Variants in PTPRN2 observed in about 807,000 individuals in gnomAD.
The protein encoded by PTPRN2 is receptor-type tyrosine-protein phosphatase N2.
PTPRN2 carries 74 observed loss-of-function variants against 118.8 expected under a neutral mutation model. The observed-to-expected ratio is 0.62, with a 90% CI of 0.52 to 0.76. The LOEUF (loss-of-function observed/expected upper bound fraction) is 0.76. Among genes scored for constraint, PTPRN2 ranks in the 30% least tolerant of loss-of-function variants. The pLI is 0.00. For missense variants in PTPRN2, 1,481 were observed against 1,394.4 expected (o/e 1.06, Z -0.99); for synonymous variants, 641 against 608.0 (o/e 1.05, Z -0.80).
At chr7:157,691,395 C>T (rs1273062404) in intron 12 of PTPRN2, among the ~76,000 whole-genome samples, 2 of 152,166 alleles carry the variant, frequency 1.3e-5, no homozygotes, top group Non-Finnish European at 2.9e-5. Context: ...TATCGTTCTT[C>T]CCAGTTACCT....
At chr7:157,660,807 T>A (rs1795847526) in intron 13 of PTPRN2, among the ~76,000 whole-genome samples, 1 of 152,294 alleles carries the variant, frequency 6.6e-6, no homozygotes, top group Admixed American at 6.5e-5. Context: ...CAGGCTGGAG[T>A]GCAGTGGTGT....
At chr7:157,769,339 C>A (rs1802666106) in intron 12 of PTPRN2, among the ~76,000 whole-genome samples, 1 of 152,166 alleles carries the variant, frequency 6.6e-6, no homozygotes, top group African/African-American at 2.4e-5. Context: ...TAATGAGCTG[C>A]CGGCAACCAG....
At chr7:157,793,462 T>TG (rs1288059543) in intron 12 of PTPRN2, among the ~76,000 whole-genome samples, 3 of 145,632 alleles carry the variant, frequency 2.1e-5, no homozygotes, top group Non-Finnish European at 4.5e-5. Context: ...TCACAGAAAT[T>TG]GGGGGAGGAA....
chr7:157,566,538 C>T (rs1585040834), intron 21 of PTPRN2, among the ~76,000 whole-genome samples: 1 of 152,338 alleles, frequency 6.6e-6, no homozygotes, highest in East Asian at 1.9e-4. Context: ...GAATTTCACA[C>T]CGCACACACC....
intron 6 of PTPRN2, among the ~76,000 whole-genome samples, chr7:158,140,767 C>T (rs535333241): frequency 2.6e-5 from 4 of 152,350 alleles, no homozygotes; most frequent in Non-Finnish European, 5.9e-5. Context: ...AACGCGTCAT[C>T]GTGTCCACCT....
rs1277959837 is a variant in PTPRN2, at chr7:158,126,549, C to T, written c.1556+7128G>A. On this transcript the variant is annotated intron_variant, in intron 9 of 22. Coordinates refer to ENST00000389418, the MANE Select transcript of PTPRN2 (RefSeq NM_002847.5). ...ACACCAGCCCCCGGAGAGCGGGCGG[C>T]GGAACTTCCTCTCCGCCACACCAGC... Among the ~76,000 whole-genome samples the T allele has an allele frequency of 1.4e-4, 10 of 73,978 alleles. 1 individual carries two copies. Among genetic ancestry groups the T allele is most frequent in the African/African-American group, 3.6e-4 (5 of 13,874 alleles). 48.5% of individuals were successfully genotyped at this position (73,978 alleles called of 152,430 possible). A position where few individuals can be genotyped will look rare whatever the true frequency, so the allele number is the denominator to read the frequency against.
chr7:157,690,799 T>C lies in PTPRN2; in HGVS notation c.1789-7862A>G, dbSNP rs962619348. ...GCAGCGGCTGCGCGGCGGCACGGGC[T>C]CGGAGCCCGCAGGCGCCGGAGCTCT... On this transcript the variant is annotated intron_variant, in intron 12 of 22. Coordinates refer to ENST00000389418, the MANE Select transcript of PTPRN2 (RefSeq NM_002847.5). The surrounding 1 kb of genome is among the most constrained non-coding windows in gnomAD (Gnocchi z 7.1). Among the ~76,000 whole-genome samples, 7 of 149,684 alleles carry C rather than the reference T, an allele frequency of 4.7e-5. No individual in the cohort carries two copies. Among genetic ancestry groups the C allele is most frequent in the Non-Finnish European group, 1.5e-5 (1 of 67,264 alleles).
At chr7:157,568,558 T>C (rs1799599782) in intron 21 of PTPRN2, among the ~76,000 whole-genome samples, 1 of 152,200 alleles carries the variant, frequency 6.6e-6, no homozygotes, top group Admixed American at 6.5e-5. Context: ...GGGTGGCTTC[T>C]CCGTGGCTCT....
intron 17 of PTPRN2, among the ~76,000 whole-genome samples, chr7:157,593,085 C>T (rs927249219): frequency 7.4e-5 from 11 of 149,410 alleles, no homozygotes; most frequent in African/African-American, 1.5e-4. Context: ...GTGTGGATGC[C>T]GAGAGGCTTC....
intron 2 of PTPRN2, among the ~76,000 whole-genome samples, chr7:158,336,357 C>T (rs1236293292): frequency 4.3e-5 from 6 of 139,188 alleles, no homozygotes; most frequent in Non-Finnish European, 6.3e-5. Flanking sequence ...CACACCCACA[C>T]TCTCACCATA....
intron 3 of PTPRN2, among the ~76,000 whole-genome samples, chr7:158,271,305 C>T (rs1016105008): frequency 6.6e-6 from 1 of 152,222 alleles, no homozygotes; most frequent in Non-Finnish European, 1.5e-5. Context: ...GCACATATAT[C>T]CTCTCCACAC....
At chr7:158,044,588 T>C (rs1808705168) in intron 11 of PTPRN2, among the ~76,000 whole-genome samples, 1 of 152,008 alleles carries the variant, frequency 6.6e-6, no homozygotes, top group Non-Finnish European at 1.5e-5. Context: ...GCCTCGATCA[T>C]TTGTAAAGAC....
chr7:157,701,333 C>A (rs1005548771), intron 12 of PTPRN2, among the ~76,000 whole-genome samples: 3 of 152,290 alleles, frequency 2.0e-5, no homozygotes, highest in Non-Finnish European at 4.4e-5. Flanking sequence ...CTGAGCTCCG[C>A]GGGTCTCCGC....
intron 11 of PTPRN2, among the ~76,000 whole-genome samples, chr7:157,904,610 C>T (rs567252611): frequency 4.6e-5 from 7 of 152,364 alleles, no homozygotes; most frequent in Non-Finnish European, 1.0e-4. Flanking sequence ...GAGTGCTTTT[C>T]GGGGGCGTCT....
chr7:158,556,251 T>A (rs1458470940), intron 1 of PTPRN2, among the ~76,000 whole-genome samples: 1 of 152,088 alleles, frequency 6.6e-6, no homozygotes, highest in African/African-American at 2.4e-5. Flanking sequence ...AGATGATTGA[T>A]ACGTAAAGAC....
rs1797443677 is a variant in PTPRN2 at position 157,690,832 on chromosome 7, C to A, written c.1789-7895G>T. ...CGCAGGCGCCGGAGCTCTGCGCGGC[C>A]GCTCGGCCCAGCTCCGCGTGCTCCG... is the stretch of plus-strand genomic sequence containing the variant. On this transcript the variant is annotated intron_variant, in intron 12 of 22. Transcript: ENST00000389418. This position sits in a 1 kb window ranked among gnomAD's most constrained non-coding sequence, Gnocchi z 7.1. Among the ~76,000 whole-genome samples, 1 of 148,346 alleles carries A rather than the reference C, an allele frequency of 6.7e-6. No homozygotes were observed. The highest frequency in any genetic ancestry group is 1.5e-5 in the Non-Finnish European group (1 of 66,758).
At chr7:158,311,829 A>C (rs886401682) in intron 3 of PTPRN2, among the ~76,000 whole-genome samples, 2 of 151,760 alleles carry the variant, frequency 1.3e-5, no homozygotes, top group African/African-American at 2.4e-5. Flanking sequence ...ACCCACACAC[A>C]TGCACACACA....
chr7:157,570,960 T>G (rs10277703), intron 20 of PTPRN2, among the ~76,000 whole-genome samples: 5,825 of 152,206 alleles, frequency 0.038, 391 homozygotes, highest in African/African-American at 0.13. Context: ...ATATTCCATG[T>G]GAGGCCTCGC....
At chr7:157,891,565 C>A (rs1372544115) in intron 12 of PTPRN2, among the ~76,000 whole-genome samples, 1 of 151,814 alleles carries the variant, frequency 6.6e-6, no homozygotes, top group African/African-American at 2.4e-5. Flanking sequence ...CACCCCCACC[C>A]CCCATCCCAG....
Sources: gnomAD v4.1 joint callset for allele counts (sites outside exome capture counted in the v4.1 genomes callset) on GRCh38, gnomAD v4.1.1 for gene constraint, Gnocchi (gnomAD v3.1) non-coding constraint, MANE v1.5 for transcripts, NCBI Gene and HGNC (gene_info 2026-07-23, HGNC 2026-07-21) for gene names.